The following PTGER3 variants were observed in gnomAD, a reference collection of about 807,000 sequenced individuals.
PTGER3 encodes the protein prostaglandin E receptor 3.
A neutral mutation model predicts 34.7 loss-of-function variants in PTGER3; 22 were observed. The observed-to-expected ratio is 0.63, with a 90% CI of 0.45 to 0.91. The LOEUF is 0.91. PTGER3 is among the 40% of genes least tolerant of loss of function. The pLI is 0.00. For synonymous variants in PTGER3, 241 were observed against 230.1 expected, an observed-to-expected ratio of 1.05 and a Z score of -0.43; for missense variants, 468 against 519.4, an observed-to-expected ratio of 0.90 and a Z score of 0.96.
At chr1:70,923,351 G>A (rs1647738860) in intron 4 of PTGER3, among the ~76,000 whole-genome samples, 1 of 152,158 alleles carries the variant, frequency 6.6e-6, no homozygotes, top group Non-Finnish European at 1.5e-5. Flanking sequence ...TGCCACAGAA[G>A]TGACCAAATT....
chr1:70,930,692 A>G (rs1648600314), intron 4 of PTGER3, among the ~76,000 whole-genome samples: 1 of 152,208 alleles, frequency 6.6e-6, no homozygotes. Flanking sequence ...TAAACCCATC[A>G]GATCTCATGA....
chr1:71,039,663 A>AAAAAAAAG (rs1160055252), intron 1 of PTGER3, among the ~76,000 whole-genome samples: 1 of 147,048 alleles, frequency 6.8e-6, no homozygotes, highest in Admixed American at 6.8e-5. Flanking sequence ...AAAAAAAAAA[A>AAAAAAAAG]AAAAAAAGAA....
At chr1:71,005,812 A>G in intron 2 of PTGER3, 3 of 944,112 alleles carry the variant, frequency 3.2e-6, no homozygotes, top group Non-Finnish European at 3.8e-6. Flanking sequence ...TAGGTTTACC[A>G]GCATGATGGT....
At chr1:70,917,403 T>TGTGTG (rs1647199801) in intron 4 of PTGER3, among the ~76,000 whole-genome samples, 1 of 136,278 alleles carries the variant, frequency 7.3e-6, no homozygotes, top group Non-Finnish European at 1.6e-5. Context: ...GTATTTTATT[T>TGTGTG]TGTGTGTGTG....
In PTGER3 at chr1:70,996,026, A is replaced by G. The variant is rs145732369; in HGVS notation, c.1077+16279T>C. Among the ~76,000 whole-genome samples the G allele has an allele frequency of 8.3e-3, 1,267 of 152,304 alleles. 28 individuals carry two copies. Among genetic ancestry groups the G allele is most frequent in the African/African-American group, 0.029 (1,218 of 41,542 alleles). The stretch of plus-strand genomic sequence containing the variant: ...ACTCAGTCACACAGCTGGTAAGTCA[A>G]GAACCATACTTCAAATTTATGTCTT... On this transcript the variant is annotated intron_variant, in intron 2 of 3. Transcript: ENST00000306666.
rs758299426 is a variant in PTGER3, at chr1:71,012,006, C to T, written c.1077+299G>A. On this transcript the variant is annotated intron_variant, in intron 2 of 3. Transcript: ENST00000306666. Reference sequence around the variant, plus strand: ...ACGAATGGCAGACTCAACAAAAACACTAGACTGTTATTAATATATTTTCCT... The same window carrying T: ...ACGAATGGCAGACTCAACAAAAACATTAGACTGTTATTAATATATTTTCCT... The T allele has an allele frequency of 2.9e-6, 4 of 1,385,094 alleles. No homozygotes were observed. The African/African-American group carries it at 5.8e-5, about 20-fold the overall frequency. 85.8% of individuals were successfully genotyped at this position (1,385,094 alleles called of 1,614,324 possible).
chr1:71,047,356 C>G lies in PTGER3; in HGVS notation c.222G>C (p.Ser74=), dbSNP rs371618014. The G allele has an allele frequency of 1.9e-5, 31 of 1,609,390 alleles. No homozygotes were observed. The highest frequency in any genetic ancestry group is 2.7e-5 in the African/African-American group (2 of 74,908). ...VGNALAMLLV[S]RSYRRRESKR... The stretch of plus-strand genomic sequence containing the variant: ...TGCTCTCCCGGCGCCGGTAGCTGCG[C>G]GACACGAGCAGCATGGCCAGTGCGT... The change falls in exon 1 of 4, where the codon TCG becomes TCC. Residue 74 remains serine (S), a synonymous_variant. Transcript: ENST00000306666.
chr1:70,961,772 G>A (rs1651955471), intron 2 of PTGER3, among the ~76,000 whole-genome samples: 2 of 152,194 alleles, frequency 1.3e-5, no homozygotes, highest in Non-Finnish European at 2.9e-5. Context: ...AATCCCATTG[G>A]TTCAGCAGAT....
intron 4 of PTGER3, among the ~76,000 whole-genome samples, chr1:70,895,070 A>G (rs1228757740): frequency 6.6e-6 from 1 of 152,240 alleles, no homozygotes; most frequent in Non-Finnish European, 1.5e-5. Flanking sequence ...TCAATTGATT[A>G]TTGATTTCAA....
At chr1:70,937,090 C>T (rs1055905708) in intron 4 of PTGER3, among the ~76,000 whole-genome samples, 5 of 152,030 alleles carry the variant, frequency 3.3e-5, no homozygotes, top group Admixed American at 6.6e-5. Context: ...ACAAGGTTGG[C>T]GCCATTTAAA....
At chr1:70,923,970 G>C (rs987228128) in intron 4 of PTGER3, among the ~76,000 whole-genome samples, 28 of 152,050 alleles carry the variant, frequency 1.8e-4, no homozygotes, top group African/African-American at 6.8e-4. Context: ...TTGACTTGTA[G>C]AGCCAATAAA....
chr1:71,021,442 TC>T (rs1265622285), intron 1 of PTGER3, among the ~76,000 whole-genome samples: 1 of 152,140 alleles, frequency 6.6e-6, no homozygotes, highest in African/African-American at 2.4e-5. Flanking sequence ...GAAGGCAAAA[TC>T]TATTCTATCA....
At chr1:70,968,129 G>A (rs1652718307), downstream of PTGER3, among the ~76,000 whole-genome samples, 1 of 152,052 alleles carries the variant, frequency 6.6e-6, no homozygotes, top group South Asian at 2.1e-4. Flanking sequence ...TTTTACATTG[G>A]GTTGCACTGA....
chr1:70,881,546 T>C (rs1646391186), intron 4 of PTGER3, among the ~76,000 whole-genome samples: 1 of 152,172 alleles, frequency 6.6e-6, no homozygotes, highest in South Asian at 2.1e-4. Context: ...CTCATCAATG[T>C]GGGCTCATGT....
intron 4 of PTGER3, among the ~76,000 whole-genome samples, chr1:70,853,458 A>C (rs927473943): frequency 2.6e-5 from 4 of 152,228 alleles, no homozygotes; most frequent in Admixed American, 6.5e-5. Flanking sequence ...CCTAAAAAAC[A>C]AACATATTAA....
intron 1 of PTGER3, among the ~76,000 whole-genome samples, chr1:71,013,498 T>C (rs941421753): frequency 2.0e-5 from 3 of 151,644 alleles, no homozygotes; most frequent in Non-Finnish European, 2.9e-5. Flanking sequence ...AGGTCAGGAG[T>C]TCGAGACCAG....
chr1:70,935,672 A>T (rs6689172), intron 4 of PTGER3, among the ~76,000 whole-genome samples: 3,544 of 140,368 alleles, frequency 0.025, 311 homozygotes, highest in East Asian at 0.21. Flanking sequence ...TACAAATATA[A>T]ATATATATAT....
chr1:70,969,162 G>A (rs929951182), downstream of PTGER3, among the ~76,000 whole-genome samples: 43 of 152,080 alleles, frequency 2.8e-4, no homozygotes, highest in Middle Eastern at 3.4e-3. Context: ...ACCCGAGATC[G>A]CACCATTGCA....
At chr1:71,017,287 G>T (rs1657993222) in intron 1 of PTGER3, among the ~76,000 whole-genome samples, 1 of 152,144 alleles carries the variant, frequency 6.6e-6, no homozygotes, top group Non-Finnish European at 1.5e-5. Flanking sequence ...GGCTTTGAAG[G>T]TGGAGGAAGG....
Sources: allele counts gnomAD v4.1 joint callset (sites outside exome capture counted in the v4.1 genomes callset), GRCh38; gene constraint gnomAD v4.1.1; transcripts MANE v1.5; gene names NCBI Gene and HGNC (gene_info 2026-07-23, HGNC 2026-07-21).